FRMPD2: variants seen among roughly 807,000 people sequenced by gnomAD.
The protein encoded by FRMPD2 is FERM and PDZ domain-containing protein 2.
Under a neutral mutation model 140.1 loss-of-function variants are expected in FRMPD2, and 96 were observed. That is an observed-to-expected ratio of 0.69 (90% CI 0.58 to 0.81). The LOEUF (loss-of-function observed/expected upper bound fraction) is 0.81. FRMPD2 is among the 40% of genes least tolerant of loss of function. The pLI, the probability that FRMPD2 is intolerant of heterozygous loss-of-function variation, is 0.00. For synonymous variants in FRMPD2, 449 were observed against 547.6 expected, an observed-to-expected ratio of 0.82 and a Z score of 2.52; for missense variants, 1,240 against 1,447.4, an observed-to-expected ratio of 0.86 and a Z score of 2.32.
At chr10:48,210,199 G>A (rs556936648) in intron 13 of FRMPD2, among the ~76,000 whole-genome samples, 1 of 152,174 alleles carries the variant, frequency 6.6e-6, no homozygotes, top group East Asian at 1.9e-4. Context: ...TGATGACAAA[G>A]CCCTGTCTAG....
At chr10:48,194,838 C>G (rs1838916135) in intron 15 of FRMPD2, among the ~76,000 whole-genome samples, 1 of 152,042 alleles carries the variant, frequency 6.6e-6, no homozygotes, top group Non-Finnish European at 1.5e-5. Flanking sequence ...ATGGGGCTGA[C>G]TGGGTGGACA....
In FRMPD2 at chr10:48,211,129, A is replaced by G. The variant is rs139639899; in HGVS notation, c.1611+825T>C. Among the ~76,000 whole-genome samples the G allele has an allele frequency of 5.1e-3, 777 of 152,354 alleles. 6 individuals carry two copies. The highest frequency in any genetic ancestry group is 0.018 in the African/African-American group (735 of 41,586). Reference sequence around the variant, plus strand: ...TAGACCGCAGTCCTCCCCACAAGACATGGGGCTTCCTGGGGACAAAGAGCA... The same window carrying G: ...TAGACCGCAGTCCTCCCCACAAGACGTGGGGCTTCCTGGGGACAAAGAGCA... On this transcript the variant is annotated intron_variant, in intron 13 of 28. Coordinates refer to ENST00000374201, the MANE Select transcript of FRMPD2 (RefSeq NM_001018071.4).
Position 48,183,863 on chromosome 10 carries a change from A to AAAAAAAAAAAAAAAAT in FRMPD2, c.2584+702_2584+703insATTTTTTTTTTTTTTT, listed in dbSNP as rs1838611153. 1.4e-5 allele frequency among the ~76,000 whole-genome samples: 2 copies of AAAAAAAAAAAAAAAAT among 147,144 alleles called. 1 individual carries two copies. Among genetic ancestry groups the AAAAAAAAAAAAAAAAT allele is most frequent in the Non-Finnish European group, 3.0e-5 (2 of 66,678 alleles). On this transcript the variant is annotated intron_variant, in intron 20 of 28. Coordinates refer to ENST00000374201, the MANE Select transcript of FRMPD2 (RefSeq NM_001018071.4). ...TGAGACTCCATCTCAAAAAAAAAAAAGGAAAATCAAATACCGCATGTTCTC... is the reference window on the plus strand; with the variant it reads ...TGAGACTCCATCTCAAAAAAAAAAAAAAAAAAAAAAAAAAATGGAAAATCAAATACCGCATGTTCTC...
At chr10:48,228,650 G>A (rs576186330) in intron 10 of FRMPD2, among the ~76,000 whole-genome samples, 13 of 151,860 alleles carry the variant, frequency 8.6e-5, no homozygotes, top group African/African-American at 2.4e-4. Context: ...CTAGTTTTCT[G>A]GTTTTCACTA....
intron 2 of FRMPD2, among the ~76,000 whole-genome samples, chr10:48,250,349 C>T (rs572205124): frequency 1.3e-5 from 2 of 152,186 alleles, no homozygotes; most frequent in Non-Finnish European, 2.9e-5. Context: ...AAAGTTTATC[C>T]CTCACTGGGT....
chr10:48,223,291 G>A (rs774234015), intron 10 of FRMPD2, 21 bp from the exon 11 acceptor site: 6 of 1,604,874 alleles, frequency 3.7e-6, no homozygotes, highest in Non-Finnish European at 5.1e-6. Context: ...AATAGAGCAT[G>A]TGTGGAAGGA....
chr10:48,191,618 T>C (rs550444590), intron 16 of FRMPD2, among the ~76,000 whole-genome samples: 219 of 152,276 alleles, frequency 1.4e-3, no homozygotes, highest in African/African-American at 4.8e-3. Context: ...GATACACACA[T>C]AGACTTTCAG....
chr10:48,207,674 A>T (rs1839231515), intron 13 of FRMPD2, among the ~76,000 whole-genome samples: 1 of 152,182 alleles, frequency 6.6e-6, no homozygotes, highest in African/African-American at 2.4e-5. Flanking sequence ...CATCTTCACC[A>T]GGAAGACGCC....
At chr10:48,197,779 T>C (rs935677814) in intron 15 of FRMPD2, among the ~76,000 whole-genome samples, 1 of 152,212 alleles carries the variant, frequency 6.6e-6, no homozygotes, top group African/African-American at 2.4e-5. Context: ...TCTCTAGCAC[T>C]GAATTCCATG....
At chr10:48,255,090 G>C (rs1437130299) in intron 1 of FRMPD2, among the ~76,000 whole-genome samples, 1 of 142,640 alleles carries the variant, frequency 7.0e-6, no homozygotes, top group African/African-American at 2.5e-5. Flanking sequence ...GGGCATTTTG[G>C]GGGGGCCCCT....
chr10:48,191,963 G>A (rs996271826), intron 16 of FRMPD2, among the ~76,000 whole-genome samples: 1 of 152,176 alleles, frequency 6.6e-6, no homozygotes, highest in Non-Finnish European at 1.5e-5. Flanking sequence ...TTTCCTCTCT[G>A]TGATGTGATG....
At chr10:48,246,544 C>T (rs1471226597) in intron 3 of FRMPD2, among the ~76,000 whole-genome samples, 1 of 152,240 alleles carries the variant, frequency 6.6e-6, no homozygotes, top group Non-Finnish European at 1.5e-5. Context: ...GGGGTACTGG[C>T]AGCACAGATG....
At chr10:48,205,535 A>T (rs1432591303) in intron 14 of FRMPD2, among the ~76,000 whole-genome samples, 2 of 151,978 alleles carry the variant, frequency 1.3e-5, no homozygotes, top group Non-Finnish European at 2.9e-5. Context: ...TAAACATGCA[A>T]TAAGAAAATA....
At chr10:48,222,252 C>T (rs1294788863) in intron 12 of FRMPD2, 61 bp downstream of exon 12, 1 of 1,563,288 alleles carries the variant, frequency 6.4e-7, no homozygotes, top group South Asian at 1.2e-5. Flanking sequence ...TAACACATGC[C>T]CTCATCCTGT....
Position 48,242,272 on chromosome 10 carries a change from C to T in FRMPD2, c.456G>A (p.Gln152=). The stretch of plus-strand genomic sequence containing the variant: ...GAACCCGACAAGCTTCCAGAACCGA[C>T]TGCAACGTGCACCGCCTGTGAGGCT... ...EDQPHRRCTL[Q]SVLEACRVHE... The change falls in exon 5 of 29, where the codon CAG becomes CAA. Residue 152 remains glutamine, a synonymous_variant. Coordinates refer to ENST00000374201, the MANE Select transcript of FRMPD2 (RefSeq NM_001018071.4). The T allele has an allele frequency of 1.2e-6, 2 of 1,614,158 alleles. No homozygotes were observed. Among genetic ancestry groups the T allele is most frequent in the Non-Finnish European group, 1.7e-6 (2 of 1,180,018 alleles).
At chr10:48,221,851 T>C (rs1839592552) in intron 12 of FRMPD2, among the ~76,000 whole-genome samples, 1 of 151,780 alleles carries the variant, frequency 6.6e-6, no homozygotes, top group Non-Finnish European at 1.5e-5. Flanking sequence ...GGTGGGTAGA[T>C]GGATGGATAG....
chr10:48,268,555 T>C (rs1840716007), intron 1 of FRMPD2, among the ~76,000 whole-genome samples: 1 of 152,198 alleles, frequency 6.6e-6, no homozygotes, highest in Admixed American at 6.5e-5. Flanking sequence ...ATTCATACCA[T>C]GGAATACTAC....
chr10:48,234,904 C>A (rs1375479123), intron 9 of FRMPD2, among the ~76,000 whole-genome samples: 1 of 152,106 alleles, frequency 6.6e-6, no homozygotes, highest in African/African-American at 2.4e-5. Context: ...GGAAGCTGGC[C>A]CCCATCACAG....
rs145290512 is a variant in FRMPD2 at position 48,199,997 on chromosome 10, C to T, written c.1954+1231G>A. 5.7e-3 allele frequency among the ~76,000 whole-genome samples: 866 copies of T among 152,144 alleles called. 8 individuals are homozygous for T. The highest frequency in any genetic ancestry group is 0.02 in the African/African-American group (821 of 41,496). Reference sequence around the variant, plus strand: ...CACTGAAGCAGCCGAGACCCCATGTCGCTGGAGGAGAGCTGCAAAATAGCC... The same window carrying T: ...CACTGAAGCAGCCGAGACCCCATGTTGCTGGAGGAGAGCTGCAAAATAGCC... On this transcript the variant is annotated intron_variant, in intron 15 of 28. Transcript: ENST00000374201.
Sources: gnomAD v4.1 joint callset for allele counts (sites outside exome capture counted in the v4.1 genomes callset) on GRCh38, gnomAD v4.1.1 for gene constraint, MANE v1.5 for transcripts, NCBI Gene and HGNC (gene_info 2026-07-23, HGNC 2026-07-21) for gene names.